The following RNF180 variants were observed in gnomAD, a reference collection of about 807,000 sequenced individuals.
RNF180 encodes the protein E3 ubiquitin-protein ligase RNF180.
RNF180 carries 38 observed loss-of-function variants against 59.2 expected under a neutral mutation model. The ratio of observed to expected loss-of-function variants is 0.64; its 90% CI spans 0.50 to 0.84. The LOEUF is 0.84. Ranked by LOEUF, RNF180 falls within the 40% of genes least tolerant of loss-of-function variation. RNF180 has a pLI of 0.00. For missense variants in RNF180, 705 were observed against 700.9 expected (o/e 1.01, Z -0.07); for synonymous variants, 262 against 240.3 (o/e 1.09, Z -0.84).
chr5:64,236,486 A>G (rs911501114), intron 5 of RNF180, among the ~76,000 whole-genome samples: 1 of 152,238 alleles, frequency 6.6e-6, no homozygotes, highest in African/African-American at 2.4e-5. Context: ...GAAGCAAACT[A>G]TAAAGATTTG....
intron 1 of RNF180, among the ~76,000 whole-genome samples, chr5:64,184,206 A>C (rs1425871556): frequency 6.6e-5 from 10 of 152,186 alleles, no homozygotes; most frequent in Non-Finnish European, 1.2e-4. Flanking sequence ...TCTAGTCTCC[A>C]GAACTGTGAG....
chr5:64,202,969 CTGCTGCCTT>C (rs1751830125), intron 2 of RNF180, among the ~76,000 whole-genome samples: 1 of 152,236 alleles, frequency 6.6e-6, no homozygotes, highest in South Asian at 2.1e-4. Context: ...TCCACACTCT[CTGCTGCCTT>C]TGCTCTTCCT....
chr5:64,194,699 A>T lies in RNF180; in HGVS notation c.1-6109A>T, dbSNP rs201099783. 6.6e-5 allele frequency among the ~76,000 whole-genome samples: 10 copies of T among 152,256 alleles called. No homozygotes were observed. In the East Asian group the frequency reaches 1.9e-3, roughly 29 times the overall value. The stretch of plus-strand genomic sequence containing the variant: ...CTGACTTTTTAATGATCACCATTCA[A>T]ACTGGTGTGAGATGGTATCTCGTTG... On this transcript the variant is annotated intron_variant, in intron 1 of 7. Transcript: ENST00000389100.
At position 64,308,968 on chromosome 5, in the gene RNF180, T is replaced by C. The variant is rs1335484415; in HGVS notation, c.1228-16218T>C. Among the ~76,000 whole-genome samples, 5 of 151,764 alleles carry C rather than the reference T, an allele frequency of 3.3e-5. No individual in the cohort carries two copies. In the East Asian group the frequency reaches 5.8e-4, roughly 18 times the overall value. ...TGTAACTCTCTCTTATCCATTGTTT[T>C]ATAAAGCAGAATAATTTGCCCTCTT... On this transcript the variant is annotated intron_variant, in intron 5 of 7. Transcript: ENST00000389100.
intron 7 of RNF180, among the ~76,000 whole-genome samples, chr5:64,347,779 C>T (rs1057177517): frequency 6.6e-6 from 1 of 152,074 alleles, no homozygotes; most frequent in Non-Finnish European, 1.5e-5. Flanking sequence ...TTTGCCTTTA[C>T]GAGTGTCAGG....
At chr5:64,293,174 G>C (rs1742699198) in intron 5 of RNF180, among the ~76,000 whole-genome samples, 1 of 152,186 alleles carries the variant, frequency 6.6e-6, no homozygotes. Flanking sequence ...TTTCCCAGGT[G>C]GGTTCACACA....
intron 5 of RNF180, among the ~76,000 whole-genome samples, chr5:64,221,507 G>T (rs1741334770): frequency 6.6e-6 from 1 of 151,966 alleles, no homozygotes; most frequent in Non-Finnish European, 1.5e-5. Context: ...AAAATACCTA[G>T]GGCATACTCA....
At chr5:64,208,755 C>G (rs1752156559) in intron 2 of RNF180, among the ~76,000 whole-genome samples, 1 of 151,888 alleles carries the variant, frequency 6.6e-6, no homozygotes, top group Non-Finnish European at 1.5e-5. Flanking sequence ...GCTTTCCTAC[C>G]TGTATGAATT....
chr5:64,261,565 G>A (rs1308775830), intron 5 of RNF180, among the ~76,000 whole-genome samples: 1 of 152,014 alleles, frequency 6.6e-6, no homozygotes, highest in Non-Finnish European at 1.5e-5. Flanking sequence ...GAGGTTATAG[G>A]ATGTTATTTA....
intron 2 of RNF180, among the ~76,000 whole-genome samples, chr5:64,208,241 T>C (rs940277034): frequency 5.3e-5 from 8 of 152,074 alleles, no homozygotes; most frequent in Non-Finnish European, 1.0e-4. Flanking sequence ...CTGACATTAT[T>C]ACATGAAATT....
chr5:64,235,685 G>A (rs1742393608), intron 5 of RNF180, among the ~76,000 whole-genome samples: 1 of 152,076 alleles, frequency 6.6e-6, no homozygotes, highest in African/African-American at 2.4e-5. Context: ...CCACGTGGGA[G>A]GGGATTACAG....
chr5:64,248,982 C>G (rs1333428202), intron 5 of RNF180, among the ~76,000 whole-genome samples: 1 of 152,082 alleles, frequency 6.6e-6, no homozygotes, highest in Non-Finnish European at 1.5e-5. Context: ...GAAACTATCA[C>G]TCTCAGCAGA....
At chr5:64,366,710 T>C (rs1271533340) in intron 7 of RNF180, among the ~76,000 whole-genome samples, 1 of 151,502 alleles carries the variant, frequency 6.6e-6, no homozygotes. Context: ...TTTAAAAGGA[T>C]GAACAAAGCC....
chr5:64,218,269 A>G (rs1262712914), intron 5 of RNF180, among the ~76,000 whole-genome samples: 1 of 152,200 alleles, frequency 6.6e-6, no homozygotes, highest in African/African-American at 2.4e-5. Context: ...CATAAAATTG[A>G]GAATTAGGAT....
chr5:64,216,865 A>T (rs1752659033), intron 4 of RNF180, among the ~76,000 whole-genome samples: 1 of 152,120 alleles, frequency 6.6e-6, no homozygotes, highest in African/African-American at 2.4e-5. Flanking sequence ...CATGCAATAA[A>T]ATTATTCTCT....
At chr5:64,338,133 T>G (rs1745207839) in intron 7 of RNF180, among the ~76,000 whole-genome samples, 1 of 152,218 alleles carries the variant, frequency 6.6e-6, no homozygotes, top group Non-Finnish European at 1.5e-5. Flanking sequence ...TGTTATCATA[T>G]TTAACAACCT....
intron 1 of RNF180, among the ~76,000 whole-genome samples, chr5:64,197,472 G>C (rs187444379): frequency 7.8e-4 from 119 of 152,268 alleles, no homozygotes; most frequent in African/African-American, 2.9e-3. Context: ...GCAATAGTGG[G>C]TAAAACTGCG....
intron 5 of RNF180, among the ~76,000 whole-genome samples, chr5:64,277,194 G>GA (rs35030133): frequency 0.2 from 27,486 of 134,318 alleles, 2,951 homozygotes; most frequent in African/African-American, 0.3. Flanking sequence ...AAAAAAAGGG[G>GA]AAAAAAAAAA....
intron 7 of RNF180, among the ~76,000 whole-genome samples, chr5:64,343,961 C>T (rs977969073): frequency 6.6e-6 from 1 of 151,116 alleles, no homozygotes; most frequent in Non-Finnish European, 1.5e-5. Flanking sequence ...GGATATTTTC[C>T]AAAACTGAAG....
Sources: gnomAD v4.1 joint callset for allele counts (sites outside exome capture counted in the v4.1 genomes callset) on GRCh38, gnomAD v4.1.1 for gene constraint, MANE v1.5 for transcripts, NCBI Gene and HGNC (gene_info 2026-07-23, HGNC 2026-07-21) for gene names.